Variants in MGAT5 observed in about 807,000 individuals in gnomAD.
MGAT5 encodes the protein alpha-1,6-mannosylglycoprotein 6-beta-N-acetylglucosaminyltransferase A.
In MGAT5, 30 loss-of-function variants were observed where a neutral mutation model predicts 94.3. The observed-to-expected ratio is 0.32, with a 90% CI of 0.24 to 0.43. The LOEUF (loss-of-function observed/expected upper bound fraction) is 0.43, where lower values mean the gene tolerates loss of function less well. Among genes scored for constraint, MGAT5 ranks in the 20% least tolerant of loss-of-function variants. The pLI is 1.00. For synonymous variants in MGAT5, 310 were observed against 322.9 expected (o/e 0.96, Z 0.43); for missense variants, 691 against 905.5 (o/e 0.76, Z 3.04).
Position 134,150,862 on chromosome 2 carries a change from A to G in MGAT5, c.-143+30571A>G, listed in dbSNP as rs111389159. Among the ~76,000 whole-genome samples the G allele has an allele frequency of 6.1e-3, 926 of 152,298 alleles. 6 individuals carry two copies. The highest frequency in any genetic ancestry group is 0.02 in the African/African-American group (846 of 41,556). The stretch of plus-strand genomic sequence containing the variant: ...TGGTAATGAATATATGTTCAAAGTT[A>G]TGTGACGAATGTCTTCTGCTTTCAA... On this transcript the variant is annotated intron_variant, in intron 1 of 16. Coordinates refer to the MGAT5 transcript ENST00000409645.
chr2:134,321,669 C>T (rs186729690), intron 4 of MGAT5, among the ~76,000 whole-genome samples: 4 of 152,302 alleles, frequency 2.6e-5, no homozygotes, highest in Non-Finnish European at 4.4e-5. Context: ...GCTTCATTAG[C>T]TCATACCACT....
At chr2:134,222,878 GACTT>G (rs1475128011) in intron 1 of MGAT5, among the ~76,000 whole-genome samples, 1 of 151,980 alleles carries the variant, frequency 6.6e-6, no homozygotes, top group Non-Finnish European at 1.5e-5. Flanking sequence ...TTAAAAGACT[GACTT>G]ATTTTTAACT....
At chr2:134,317,771 G>C (rs1687083187) in intron 3 of MGAT5, among the ~76,000 whole-genome samples, 166 bp downstream of exon 3, 1 of 152,088 alleles carries the variant, frequency 6.6e-6, no homozygotes. Context: ...TGACAACCCT[G>C]CTATGCCTAT....
At chr2:134,366,742 T>C (rs765825760) in intron 10 of MGAT5, among the ~76,000 whole-genome samples, 2 of 152,210 alleles carry the variant, frequency 1.3e-5, no homozygotes, top group Non-Finnish European at 2.9e-5. Context: ...GTGATACCGG[T>C]GGGCTGTTGG....
At chr2:134,316,133 A>G (rs908670035) in intron 2 of MGAT5, among the ~76,000 whole-genome samples, 1 of 152,164 alleles carries the variant, frequency 6.6e-6, no homozygotes, top group East Asian at 1.9e-4. Flanking sequence ...AGAGAAGCAT[A>G]TAGGTTTAGG....
At chr2:134,300,162 A>T (rs1406189057) in intron 2 of MGAT5, among the ~76,000 whole-genome samples, 1 of 152,208 alleles carries the variant, frequency 6.6e-6, no homozygotes, top group Non-Finnish European at 1.5e-5. Flanking sequence ...TTAGCACTGC[A>T]TGATGCTGGA....
intron 10 of MGAT5, among the ~76,000 whole-genome samples, chr2:134,369,449 G>T (rs1403513506): frequency 6.6e-6 from 1 of 152,140 alleles, no homozygotes; most frequent in Non-Finnish European, 1.5e-5. Context: ...TCATATGATT[G>T]GGACAGGCCA....
Position 134,189,608 on chromosome 2 carries a change from T to G in MGAT5, c.-142-64654T>G, listed in dbSNP as rs200725104. 1.6e-4 allele frequency among the ~76,000 whole-genome samples: 15 copies of G among 92,340 alleles called. 1 individual carries two copies. The highest frequency in any genetic ancestry group is 9.1e-3 in the Middle Eastern group (2 of 220). 60.6% of individuals were successfully genotyped at this position (92,340 alleles called of 152,430 possible). ...ATGGCTCTAGTTTTTTTTTGTTTTT[T>G]TTTTTTTTTTTTAAGACAGAGTCTC... On this transcript the variant is annotated intron_variant, in intron 1 of 16. Coordinates refer to the MGAT5 transcript ENST00000409645.
chr2:134,207,824 G>A (rs995970285), intron 1 of MGAT5, among the ~76,000 whole-genome samples: 1 of 152,150 alleles, frequency 6.6e-6, no homozygotes, highest in African/African-American at 2.4e-5. Context: ...TCTTTGCCCA[G>A]AGGCTTGGCA....
intron 1 of MGAT5, among the ~76,000 whole-genome samples, chr2:134,153,910 C>T (rs1687350358): frequency 6.6e-6 from 1 of 152,204 alleles, no homozygotes; most frequent in South Asian, 2.1e-4. Context: ...CACTCTCTCC[C>T]TCCCTTCCCT....
chr2:134,297,502 A>T (rs149645942), intron 2 of MGAT5, among the ~76,000 whole-genome samples: 3 of 152,294 alleles, frequency 2.0e-5, no homozygotes, highest in Non-Finnish European at 4.4e-5. Context: ...AAATATTAGA[A>T]CCCCAAATTT....
chr2:134,173,407 T>G (rs770942006), intron 1 of MGAT5, among the ~76,000 whole-genome samples: 6 of 152,166 alleles, frequency 3.9e-5, no homozygotes, highest in Non-Finnish European at 7.4e-5. Context: ...CTGTCAGCCC[T>G]GCCACCCATT....
At chr2:134,206,420 C>T (rs867969992) in intron 1 of MGAT5, among the ~76,000 whole-genome samples, 34 of 152,182 alleles carry the variant, frequency 2.2e-4, no homozygotes, top group African/African-American at 6.8e-4. Context: ...CTGTAGCACA[C>T]ATTTGAGAGA....
intron 12 of MGAT5, among the ~76,000 whole-genome samples, chr2:134,417,645 G>A (rs913650194): frequency 2.2e-4 from 34 of 152,104 alleles, no homozygotes; most frequent in African/African-American, 8.0e-4. Context: ...GGGGGCATAT[G>A]ATGTCAATAT....
intron 9 of MGAT5, among the ~76,000 whole-genome samples, chr2:134,361,780 G>A (rs1265673763): frequency 1.3e-5 from 2 of 152,160 alleles, no homozygotes; most frequent in Non-Finnish European, 2.9e-5. Context: ...AAGGTTCTGA[G>A]GATTATTCAT....
intron 1 of MGAT5, among the ~76,000 whole-genome samples, chr2:134,195,213 T>TA (rs771223888): frequency 5.3e-5 from 8 of 152,190 alleles, no homozygotes; most frequent in Non-Finnish European, 8.8e-5. Context: ...CTCACCCACC[T>TA]AAGAGGGTGA....
intron 1 of MGAT5, among the ~76,000 whole-genome samples, chr2:134,137,708 A>G (rs1033283653): frequency 6.6e-6 from 1 of 152,166 alleles, no homozygotes; most frequent in South Asian, 2.1e-4. Flanking sequence ...TTAAAAAAAT[A>G]TTAACGCTGA....
At chr2:134,280,122 T>A (rs533737472) in intron 2 of MGAT5, among the ~76,000 whole-genome samples, 1 of 152,262 alleles carries the variant, frequency 6.6e-6, no homozygotes, top group African/African-American at 2.4e-5. Context: ...TAAATAAAAA[T>A]CAGTTGCTAG....
rs1481535091 is a variant in MGAT5, at chr2:134,140,553, C to T, written c.-143+20262C>T. ...AATGAGCCATTCTTGTAGGGCTTAC[C>T]AGTGTGACTCAGTAAACATTTGATG... is the stretch of plus-strand genomic sequence containing the variant. On this transcript the variant is annotated intron_variant, in intron 1 of 16. Transcript: ENST00000409645. Among the ~76,000 whole-genome samples the T allele has an allele frequency of 2.0e-5, 3 of 152,176 alleles. No individual in the cohort carries two copies. The East Asian group carries it at 5.8e-4, about 29-fold the overall frequency.
Sources: allele counts gnomAD v4.1 joint callset (sites outside exome capture counted in the v4.1 genomes callset), GRCh38; gene constraint gnomAD v4.1.1; transcripts MANE v1.5; gene names NCBI Gene and HGNC (gene_info 2026-07-23, HGNC 2026-07-21).